Variants in EHMT2 observed in about 807,000 individuals in gnomAD.
EHMT2 encodes the protein euchromatic histone lysine methyltransferase 2, also known as histone-lysine N-methyltransferase EHMT2.
Under a neutral mutation model 143.3 loss-of-function variants are expected in EHMT2, and 59 were observed. That is an observed-to-expected ratio of 0.41 (90% CI 0.33 to 0.51). The LOEUF is 0.51. Among genes scored for constraint, EHMT2 ranks in the 20% least tolerant of loss-of-function variants. The pLI is 0.18. For synonymous variants in EHMT2, 604 were observed against 651.5 expected (o/e 0.93, Z 1.11); for missense variants, 1,174 against 1,645.9 (o/e 0.71, Z 4.96).
rs1204949953 is a variant in EHMT2 at position 31,892,464 on chromosome 6, G to A, written c.807C>T (p.Asp269=). The A allele has an allele frequency of 3.1e-6, 5 of 1,613,006 alleles. No individual in the cohort carries two copies. The African/African-American group carries it at 4.0e-5, about 13-fold the overall frequency. Residue 269 remains aspartate (D), a synonymous_variant, in exon 7 of 28, where the codon GAC becomes GAT. Coordinates refer to ENST00000375537, the Ensembl canonical transcript of EHMT2. Reference sequence around the variant, plus strand: ...AGTAGGAATCATAGTAGAGACTGAAGTCATCACCCACCACCGTCTCCCACT... The same window carrying A: ...AGTAGGAATCATAGTAGAGACTGAAATCATCACCCACCACCGTCTCCCACT...
chr6:31,886,667 T>C, exon 18 of EHMT2: 1 of 1,613,564 alleles, frequency 6.2e-7, no homozygotes, highest in Non-Finnish European at 8.5e-7. Flanking sequence ...TGGAGGCAGG[T>C]GGAACCGTCC....
chr6:31,896,466 G>A, exon 4 of EHMT2: 1 of 1,613,052 alleles, frequency 6.2e-7, no homozygotes. Context: ...GCCCGGCTAG[G>A]ACAGGAACCC....
At chr6:31,892,007 C>A (rs965985305) in intron 7 of EHMT2, among the ~76,000 whole-genome samples, 1 of 152,066 alleles carries the variant, frequency 6.6e-6, no homozygotes. Flanking sequence ...TTTGGGAGGC[C>A]AAGGTGGGTG....
Position 31,884,953 on chromosome 6 carries a change from T to C in EHMT2, c.2407A>G (p.Met803Val). Residue 803 changes from methionine to valine, a missense_variant, in exon 19 of 28, where the codon ATG becomes GTG. By Grantham distance (21) the Met-to-Val change is conservative. Coordinates refer to ENST00000375537, the Ensembl canonical transcript of EHMT2. The surrounding 1 kb of genome is among the most constrained non-coding windows in gnomAD (Gnocchi z 7.3). ...ACGTCGGCGCCCCGCGTCAGTAGCA[T>C]GCGGATCACCTCGATGTGCTTGTGC... 1 of 1,610,974 alleles carries C rather than the reference T, an allele frequency of 6.2e-7. No individual in the cohort carries two copies. Among genetic ancestry groups the C allele is most frequent in the East Asian group, 2.2e-5 (1 of 44,750 alleles).
rs756188339 is a variant in EHMT2, at chr6:31,888,566, C to A, written c.1365+33G>T. ...GAGGCTGGGGCCGGGGACTGGACGC[C>A]CTGGCACCTCTCCCACCAGCCCACG... is the stretch of plus-strand genomic sequence containing the variant. On this transcript the variant is annotated intron_variant, in intron 11 of 27. Transcript: ENST00000375537. The surrounding 1 kb of genome is among the most constrained non-coding windows in gnomAD (Gnocchi z 7.4). 3.7e-6 allele frequency: 6 copies of A among 1,609,978 alleles called. No homozygotes were observed. In the South Asian group the frequency reaches 6.6e-5, roughly 18 times the overall value.
At position 31,884,088 on chromosome 6, in the gene EHMT2, G is replaced by C. The variant is rs753347325; in HGVS notation, c.2772-138C>G. On this transcript the variant is annotated intron_variant, in intron 21 of 27. Coordinates refer to ENST00000375537, the Ensembl canonical transcript of EHMT2. This position sits in a 1 kb window ranked among gnomAD's most constrained non-coding sequence, Gnocchi z 7.3. ...GTTGCCAGGTAAGATGCAGGACAGC[G>C]AGTTAACATAGAATTTTAGATAAAC... The C allele has an allele frequency of 1.1e-6, 1 of 949,806 alleles. No homozygotes were observed. Among genetic ancestry groups the C allele is most frequent in the African/African-American group, 1.7e-5 (1 of 60,376 alleles). 58.8% of individuals were successfully genotyped at this position (949,806 alleles called of 1,614,324 possible). A position where few individuals can be genotyped will look rare whatever the true frequency, so the allele number is the denominator to read the frequency against.
Position 31,887,104 on chromosome 6 carries a change from G to A in EHMT2, c.2012-3C>T, listed in dbSNP as rs1189313400. 1 of 1,593,622 alleles carries A rather than the reference G, an allele frequency of 6.3e-7. No homozygotes were observed. The highest frequency in any genetic ancestry group is 2.2e-5 in the East Asian group (1 of 44,510). ...GAAGTTGGGGTCCAGGTTGTCCACT[G>A]CGGGGAGAGCCCGCCACACCGGGAG... On this transcript the variant is annotated splice_region_variant and splice_polypyrimidine_tract_variant and intron_variant, in intron 15 of 27. Coordinates refer to ENST00000375537, the Ensembl canonical transcript of EHMT2.
chr6:31,880,036 G>A lies in EHMT2; in HGVS notation c.*48C>T, dbSNP rs748754969. 1.3e-5 allele frequency: 20 copies of A among 1,586,612 alleles called. No individual in the cohort carries two copies. Among genetic ancestry groups the A allele is most frequent in the Admixed American group, 1.7e-5 (1 of 58,104 alleles). ...GCGAGCAGCTGGTGGCAGAGGAGGC[G>A]GCTGAGCTGTGGCCATCCATGCTGG... On this transcript the variant is annotated 3_prime_UTR_variant, in exon 28 of 28. Transcript: ENST00000375537. The surrounding 1 kb of genome is among the most constrained non-coding windows in gnomAD (Gnocchi z 6.6).
chr6:31,892,268 C>T, intron 7 of EHMT2, 139 bp downstream of exon 7: 1 of 983,470 alleles, frequency 1.0e-6, no homozygotes, highest in Non-Finnish European at 1.5e-6. Context: ...GAGTTATAGA[C>T]AGCATGGGGC....
chr6:31,896,487 G>T (rs995374014), exon 4 of EHMT2: 1 of 1,613,006 alleles, frequency 6.2e-7, no homozygotes, highest in Admixed American at 1.7e-5. Flanking sequence ...CCCTTGCTGG[G>T]GGAAGAGGGG....
exon 15 of EHMT2, chr6:31,887,646 G>A: frequency 6.2e-7 from 1 of 1,612,940 alleles, no homozygotes; most frequent in Non-Finnish European, 8.5e-7. Context: ...GGGTGGAAAC[G>A]GAGCTTCTTC....
At position 31,892,441 on chromosome 6, in the gene EHMT2, T is replaced by C; in HGVS notation, c.830A>G (p.Tyr277Cys). ...GGAGTCCACGCGCTCATCCACAGAG[T>C]AGGAATCATAGTAGAGACTGAAGTC... Residue 277 changes from tyrosine to cysteine, a missense_variant, in exon 7 of 28, where the codon TAC (tyrosine) becomes TGC (cysteine). Physicochemically the swap from Tyr to Cys is radical, Grantham distance 194 (BLOSUM62 -2). Around this residue, in one of 6 missense-constraint regions of EHMT2, gnomAD observed 399 missense variants for 404.4 expected, o/e 0.99. Coordinates refer to ENST00000375537, the Ensembl canonical transcript of EHMT2. 2 of 1,612,560 alleles carry C rather than the reference T, an allele frequency of 1.2e-6. 1 individual carries two copies. Among genetic ancestry groups the C allele is most frequent in the Non-Finnish European group, 1.7e-6 (2 of 1,179,924 alleles).
exon 18 of EHMT2, chr6:31,886,624 A>G: frequency 6.2e-7 from 1 of 1,613,458 alleles, no homozygotes; most frequent in Non-Finnish European, 8.5e-7. Context: ...CAGCAGGCTG[A>G]CCATCTCCAA....
rs1443613297 is a variant in EHMT2, at chr6:31,880,083, C to T, written c.*1G>A. 2.5e-6 allele frequency: 4 copies of T among 1,612,214 alleles called. No homozygotes were observed. The highest frequency in any genetic ancestry group is 4.5e-5 in the East Asian group (2 of 44,874). On this transcript the variant is annotated 3_prime_UTR_variant, in exon 28 of 28. Transcript: ENST00000375537. This position sits in a 1 kb window ranked among gnomAD's most constrained non-coding sequence, Gnocchi z 6.6. ...CTGGGGAGAGAGGGTGTGGTCCGTTCTCATGTGTTGACAGGGGGCAGGGAG... is the reference window on the plus strand; with the variant it reads ...CTGGGGAGAGAGGGTGTGGTCCGTTTTCATGTGTTGACAGGGGGCAGGGAG...
exon 18 of EHMT2, chr6:31,886,599 C>T: frequency 1.2e-6 from 2 of 1,613,016 alleles, no homozygotes; most frequent in South Asian, 1.1e-5. Flanking sequence ...TGACGTCCAC[C>T]TGTCCTGTGC....
exon 1 of EHMT2, chr6:31,897,654 TGCA>T: frequency 8.6e-7 from 1 of 1,165,860 alleles, no homozygotes; most frequent in Non-Finnish European, 1.1e-6. Flanking sequence ...CCGCCGCCGC[TGCA>T]GCTCCCGCCG....
chr6:31,879,992 G>A (rs1401674853), exon 28 of EHMT2: 8 of 1,406,446 alleles, frequency 5.7e-6, no homozygotes, highest in Non-Finnish European at 6.8e-6. Context: ...GAAGATGGCA[G>A]CACCCCCAGG....
At chr6:31,886,299 G>T (rs987896088) in intron 18 of EHMT2, 2 of 483,514 alleles carry the variant, frequency 4.1e-6, no homozygotes, top group Non-Finnish European at 7.3e-6. Context: ...GCCAATAAAT[G>T]ACTAAAACAC....
chr6:31,888,526 G>A lies in EHMT2; in HGVS notation c.1366-20C>T. 4.3e-6 allele frequency: 7 copies of A among 1,611,252 alleles called. No individual in the cohort carries two copies. Among genetic ancestry groups the A allele is most frequent in the Non-Finnish European group, 5.9e-6 (7 of 1,179,158 alleles). ...TGACAGCTGTGCGCAGTGAGGATGG[G>A]TGAGAAGAGAGCGTGAGGCTGGGGC... is the stretch of plus-strand genomic sequence containing the variant. On this transcript the variant is annotated intron_variant, in intron 11 of 27. Coordinates refer to ENST00000375537, the Ensembl canonical transcript of EHMT2. This position sits in a 1 kb window ranked among gnomAD's most constrained non-coding sequence, Gnocchi z 7.4.
Sources: gnomAD v4.1 joint callset for allele counts (sites outside exome capture counted in the v4.1 genomes callset) on GRCh38, gnomAD v4.1.1 for gene constraint, gnomAD v4.1.1 regional missense constraint, Gnocchi (gnomAD v3.1) non-coding constraint, MANE v1.5 for transcripts, NCBI Gene and HGNC (gene_info 2026-07-23, HGNC 2026-07-21) for gene names.